Variants in MAFF observed in about 807,000 individuals in gnomAD.
MAFF encodes MAF bZIP transcription factor F.
Under a neutral mutation model 2.7 loss-of-function variants are expected in MAFF, and 4 were observed. That is an observed-to-expected ratio of 1.48 (90% confidence interval 0.73 to 3.39). The LOEUF is 3.39. Among genes scored for constraint, MAFF ranks in the 30% most tolerant of loss-of-function variants. The probability of loss-of-function intolerance (pLI) is 0.01; values close to 1 mark genes in which losing one functional copy is unlikely to be tolerated. For synonymous variants in MAFF, 113 were observed against 119.4 expected, an observed-to-expected ratio of 0.95 and a Z score of 0.35; for missense variants, 190 against 246.6, an observed-to-expected ratio of 0.77 and a Z score of 1.54.
At chr22:38,213,555 T>G in intron 1 of MAFF, 1 of 560,798 alleles carries the variant, frequency 1.8e-6, no homozygotes. Flanking sequence ...AAAGAGGACC[T>G]CCTGAGGAGG....
chr22:38,204,942 T>C (rs1161030474), intron 1 of MAFF, among the ~76,000 whole-genome samples: 1 of 151,856 alleles, frequency 6.6e-6, no homozygotes, highest in Non-Finnish European at 1.5e-5. Flanking sequence ...ATGATGGGGA[T>C]TGGAGACGGA....
chr22:38,215,137 C>G lies in MAFF; in HGVS notation c.*259C>G. 2.3e-6 allele frequency: 1 copy of G among 437,130 alleles called. No homozygotes were observed. The highest frequency in any genetic ancestry group is 4.3e-6 in the Non-Finnish European group (1 of 234,902). The allele number at this position is 437,130 out of a possible 1,614,324, so 27.1% of individuals were successfully genotyped here. A position where few individuals can be genotyped will look rare whatever the true frequency, so the allele number is the denominator to read the frequency against. ...GATCGCCCTTGGCTGAAAGTTTAGC[C>G]TTTTTAGATTGAGAGATACAGAGCC... is the stretch of plus-strand genomic sequence containing the variant. On this transcript the variant is annotated 3_prime_UTR_variant, in exon 3 of 3. Coordinates refer to ENST00000338483, the MANE Select transcript of MAFF (RefSeq NM_012323.4).
At chr22:38,206,359 TTTG>T (rs1263248205) in intron 1 of MAFF, among the ~76,000 whole-genome samples, 113 of 110,954 alleles carry the variant, frequency 1.0e-3, no homozygotes, top group African/African-American at 3.4e-3. Context: ...TTTTTTTTTT[TTTG>T]ATGGAGTCTC....
At chr22:38,210,146 G>A (rs1226489634) in intron 1 of MAFF, among the ~76,000 whole-genome samples, 2 of 152,196 alleles carry the variant, frequency 1.3e-5, no homozygotes, top group East Asian at 3.9e-4. Context: ...CCGCACAGGG[G>A]TCTAAAGCTG....
intron 1 of MAFF, among the ~76,000 whole-genome samples, chr22:38,213,176 CA>C (rs57782814): frequency 1.2e-3 from 137 of 114,060 alleles, no homozygotes; most frequent in Middle Eastern, 5.3e-3. Context: ...GACTCTGTCT[CA>C]AAAAAAAAAA....
At chr22:38,210,898 A>G (rs917502277) in intron 1 of MAFF, among the ~76,000 whole-genome samples, 1 of 151,992 alleles carries the variant, frequency 6.6e-6, no homozygotes, top group African/African-American at 2.4e-5. Context: ...TGTCTGTACA[A>G]AAAGTACAAA....
intron 1 of MAFF, among the ~76,000 whole-genome samples, chr22:38,209,578 C>T (rs1182397424): frequency 2.0e-5 from 3 of 151,548 alleles, no homozygotes; most frequent in African/African-American, 7.3e-5. Flanking sequence ...TTCAGGAGGC[C>T]GAGGCAGGTG....
In MAFF at chr22:38,214,466, C is replaced by T. The variant is rs1485528477; in HGVS notation, c.83C>T (p.Ala28Val). 1.9e-6 allele frequency: 3 copies of T among 1,608,964 alleles called. No individual in the cohort carries two copies. The highest frequency in any genetic ancestry group is 1.7e-6 in the Non-Finnish European group (2 of 1,178,774). The change falls in exon 3 of 3, where the codon GCG (alanine) becomes GTG (valine). Residue 28 changes from alanine to valine, a missense_variant. Ala to Val is a moderately conservative substitution (Grantham distance 64, BLOSUM62 0). Around this residue, in one of 2 missense-constraint regions of MAFF, gnomAD observed 87 missense variants for 143.6 expected, o/e 0.61. Transcript: ENST00000338483. The surrounding 1 kb of genome is among the most constrained non-coding windows in gnomAD (Gnocchi z 6.3). ...SENTPHLSDE[A>V]LMGLSVRELN... ...AACACGCCGCACCTGTCGGACGAGG[C>T]GCTGATGGGGCTGTCGGTGCGCGAG... is the stretch of plus-strand genomic sequence containing the variant.
chr22:38,208,593 G>A (rs933683776), intron 1 of MAFF, among the ~76,000 whole-genome samples: 1 of 152,168 alleles, frequency 6.6e-6, no homozygotes. Flanking sequence ...CAGAGACTCT[G>A]ACCATCCACC....
At chr22:38,211,061 A>AAAAAAC (rs1020278757) in intron 1 of MAFF, among the ~76,000 whole-genome samples, 2 of 151,864 alleles carry the variant, frequency 1.3e-5, no homozygotes, top group Admixed American at 6.6e-5. Flanking sequence ...GACCCTGTAT[A>AAAAAAC]AAAAACAAAA....
chr22:38,207,564 CCAGTAGCTGGGACTA>C (rs71195093), intron 1 of MAFF, among the ~76,000 whole-genome samples: 67,350 of 150,026 alleles, frequency 0.45, 16,465 homozygotes, highest in Non-Finnish European at 0.54. Flanking sequence ...CTCAGCCTCC[CCAGTAGCTGGGACTA>C]CAGGCGCCCA....
rs1239376242 is a variant in MAFF at position 38,214,867 on chromosome 22, T to TCCTGCTCCTAGTGCCCG, written c.487_*8dup. 18 of 1,507,518 alleles carry TCCTGCTCCTAGTGCCCG rather than the reference T, an allele frequency of 1.2e-5. No homozygotes were observed. The highest frequency in any genetic ancestry group is 1.5e-5 in the Non-Finnish European group (17 of 1,127,996). 93.4% of individuals were successfully genotyped at this position (1,507,518 alleles called of 1,614,324 possible). On this transcript the variant is annotated stop_gained and frameshift_variant, in exon 3 of 3. Coordinates refer to ENST00000338483, the MANE Select transcript of MAFF (RefSeq NM_012323.4). LOFTEE classifies it high-confidence loss of function. This position sits in a 1 kb window ranked among gnomAD's most constrained non-coding sequence, Gnocchi z 6.3. ...CCCGGACCCCGCCCACGGCCCGGCC[T>TCCTGCTCCTAGTGCCCG]CCTGCTCCTAGTGCCCGCCCCCGCC...
At chr22:38,213,176 CAAAAAA>C (rs57782814) in intron 1 of MAFF, among the ~76,000 whole-genome samples, 1 of 114,118 alleles carries the variant, frequency 8.8e-6, no homozygotes, top group East Asian at 2.7e-4. Context: ...GACTCTGTCT[CAAAAAA>C]AAAAAAAAAA....
chr22:38,208,640 G>A (rs2091072049), intron 1 of MAFF, among the ~76,000 whole-genome samples: 2 of 152,182 alleles, frequency 1.3e-5, no homozygotes, highest in Admixed American at 6.6e-5. Flanking sequence ...GTCTTGAGAT[G>A]GGTGGCCTCA....
chr22:38,205,077 C>A (rs529369741), intron 1 of MAFF, among the ~76,000 whole-genome samples: 1 of 152,190 alleles, frequency 6.6e-6, no homozygotes, highest in South Asian at 2.1e-4. Flanking sequence ...GTGTCTCATG[C>A]CCCCACCTCC....
At position 38,214,795 on chromosome 22, in the gene MAFF, A is replaced by T; in HGVS notation, c.412A>T (p.Thr138Ser). The T allele has an allele frequency of 6.8e-7, 1 of 1,475,266 alleles. No homozygotes were observed. The highest frequency in any genetic ancestry group is 8.9e-7 in the Non-Finnish European group (1 of 1,119,106). The allele number at this position is 1,475,266 out of a possible 1,614,324, so 91.4% of individuals were successfully genotyped here. A position where few individuals can be genotyped will look rare whatever the true frequency, so the allele number is the denominator to read the frequency against. ...GCTCGTGGCGCCGGCCAGCGTCATC[A>T]CCATCGTCAAGTCCACCCCGGGCTC... ...ATLVAPASVI[T>S]IVKSTPGSGS... The change falls in exon 3 of 3, where the codon ACC becomes TCC. Residue 138 changes from threonine (T) to serine (S), a missense_variant. By Grantham distance (58) the Thr-to-Ser change is moderately conservative. Transcript: ENST00000338483. This position sits in a 1 kb window ranked among gnomAD's most constrained non-coding sequence, Gnocchi z 6.3.
At position 38,202,210 on chromosome 22, in the gene MAFF, C is replaced by G. The variant is rs1352753035; in HGVS notation, c.-34C>G. ...GCGCCGGACCAAGCGGGCCCAGAAGCGGGTGAGGAACGCGGGACCAGGAGG... is the reference window on the plus strand; with the variant it reads ...GCGCCGGACCAAGCGGGCCCAGAAGGGGGTGAGGAACGCGGGACCAGGAGG... On this transcript the variant is annotated splice_region_variant and 5_prime_UTR_variant, in exon 1 of 3. Coordinates refer to ENST00000338483, the MANE Select transcript of MAFF (RefSeq NM_012323.4). The surrounding 1 kb of genome is among the most constrained non-coding windows in gnomAD (Gnocchi z 7.4). 1 of 152,508 alleles carries G rather than the reference C, an allele frequency of 6.6e-6. No homozygotes were observed. The highest frequency in any genetic ancestry group is 1.5e-5 in the Non-Finnish European group (1 of 68,322). The allele number at this position is 152,508 out of a possible 1,614,324, so 9.4% of individuals were successfully genotyped here.
chr22:38,214,827 T>A lies in MAFF; in HGVS notation c.444T>A (p.Ser148=). 6 of 1,495,796 alleles carry A rather than the reference T, an allele frequency of 4.0e-6. No individual in the cohort carries two copies. The highest frequency in any genetic ancestry group is 5.3e-6 in the Non-Finnish European group (6 of 1,127,150). The allele number at this position is 1,495,796 out of a possible 1,614,324, so 92.7% of individuals were successfully genotyped here. The change falls in exon 3 of 3, where the codon TCT becomes TCA. Residue 148 remains serine (S), a synonymous_variant. Coordinates refer to ENST00000338483, the MANE Select transcript of MAFF (RefSeq NM_012323.4). This position sits in a 1 kb window ranked among gnomAD's most constrained non-coding sequence, Gnocchi z 6.3. The stretch of plus-strand genomic sequence containing the variant: ...TCAAGTCCACCCCGGGCTCGGGGTC[T>A]GGCCCCGCCCACGGCCCGGACCCCG... The part of the protein sequence containing the change: ...TIVKSTPGSG[S]GPAHGPDPAH...
intron 1 of MAFF, among the ~76,000 whole-genome samples, chr22:38,207,423 C>CTTTTTT (rs71195092): frequency 2.6e-5 from 2 of 78,296 alleles, no homozygotes; most frequent in Non-Finnish European, 4.7e-5. Flanking sequence ...GCTTGGCCAT[C>CTTTTTT]TTTTTTTTTT....
Sources: allele counts gnomAD v4.1 joint callset (sites outside exome capture counted in the v4.1 genomes callset), GRCh38; gene constraint gnomAD v4.1.1; regional missense constraint gnomAD v4.1.1; non-coding constraint Gnocchi (gnomAD v3.1); transcripts MANE v1.5; gene names NCBI Gene and HGNC (gene_info 2026-07-23, HGNC 2026-07-21).